The following JCAD variants were observed in gnomAD, a reference collection of about 807,000 sequenced individuals.
The protein encoded by JCAD is junctional cadherin 5 associated.
Under a neutral mutation model 98.0 loss-of-function variants are expected in JCAD, and 40 were observed. The observed-to-expected ratio is 0.41, with a 90% CI of 0.32 to 0.53. The LOEUF (loss-of-function observed/expected upper bound fraction) is 0.53. JCAD is among the 20% of genes least tolerant of loss of function. The probability of loss-of-function intolerance (pLI) is 0.31; values close to 1 mark genes in which losing one functional copy is unlikely to be tolerated. For missense variants in JCAD, 1,705 were observed against 1,738.1 expected (o/e 0.98, Z 0.34); for synonymous variants, 691 against 682.3 (o/e 1.01, Z -0.20).
Position 30,023,652 on chromosome 10 carries a change from C to A in JCAD, c.4045+2451G>T, listed in dbSNP as rs543189529. Among the ~76,000 whole-genome samples the A allele has an allele frequency of 9.2e-5, 14 of 151,902 alleles. No homozygotes were observed. In the East Asian group the frequency reaches 2.7e-3, roughly 29 times the overall value. On this transcript the variant is annotated intron_variant, in intron 3 of 3. Transcript: ENST00000375377. ...TGGCTCTCTGCCTGCAGATTTTTGG[C>A]CATTTTATTGTATATTAGCAAATGC...
rs189163157 is a variant in JCAD, at chr10:30,034,619, T to G, written c.282-4753A>C. Among the ~76,000 whole-genome samples, 140 of 152,058 alleles carry G rather than the reference T, an allele frequency of 9.2e-4. 1 individual carries two copies. The highest frequency in any genetic ancestry group is 3.1e-3 in the African/African-American group (129 of 41,468). ...CCCTCTGCATAGCCCCTTTCCTCCC[T>G]CCCTCCCCACTTTAGCTGAGCCAGG... On this transcript the variant is annotated intron_variant, in intron 2 of 3. Coordinates refer to ENST00000375377, the MANE Select transcript of JCAD (RefSeq NM_020848.4).
At chr10:30,106,098 T>C (rs2132714341) in intron 1 of JCAD, among the ~76,000 whole-genome samples, 1 of 152,228 alleles carries the variant, frequency 6.6e-6, no homozygotes, top group South Asian at 2.1e-4. Flanking sequence ...ACCACGGTTA[T>C]AGATTATGCT....
At chr10:30,073,677 C>CCTTCCTTT (rs1236166862) in intron 1 of JCAD, among the ~76,000 whole-genome samples, 1 of 38,726 alleles carries the variant, frequency 2.6e-5, no homozygotes. Flanking sequence ...TTCCTTCCTT[C>CCTTCCTTT]CTTGCTTCCT....
At position 30,016,710 on chromosome 10, in the gene JCAD, C is replaced by T. The variant is rs1432137345; in HGVS notation, c.*1173G>A. On this transcript the variant is annotated 3_prime_UTR_variant, in exon 4 of 4. Transcript: ENST00000375377. ...CATGGTCTCAGGGTAGATCCCCACACACATACAAAGATAAAACTATGTTTT... is the reference window on the plus strand; with the variant it reads ...CATGGTCTCAGGGTAGATCCCCACATACATACAAAGATAAAACTATGTTTT... 1 of 152,052 alleles carries T rather than the reference C, an allele frequency of 6.6e-6. No homozygotes were observed. The highest frequency in any genetic ancestry group is 2.1e-4 in the South Asian group (1 of 4,824). The allele number at this position is 152,052 out of a possible 1,614,324, so 9.4% of individuals were successfully genotyped here. A position where few individuals can be genotyped will look rare whatever the true frequency, so the allele number is the denominator to read the frequency against.
chr10:30,028,330 A>G lies in JCAD; in HGVS notation c.1818T>C (p.Ser606=). The G allele has an allele frequency of 6.2e-7, 1 of 1,614,170 alleles. No homozygotes were observed. The highest frequency in any genetic ancestry group is 1.1e-5 in the South Asian group (1 of 91,082). ...TATCAGACCCATTCTTTTGATCAGCACTGGGCTTTAAGTCATTGTTGTCCA... is the reference window on the plus strand; with the variant it reads ...TATCAGACCCATTCTTTTGATCAGCGCTGGGCTTTAAGTCATTGTTGTCCA... ...RDMDNNDLKP[S]ADQKNGSDKS... is the part of the protein sequence containing the mutation. Residue 606 remains serine, a synonymous_variant, in exon 3 of 4, where the codon AGT becomes AGC. Coordinates refer to ENST00000375377, the MANE Select transcript of JCAD (RefSeq NM_020848.4).
chr10:30,072,308 T>C (rs764139764), intron 1 of JCAD, among the ~76,000 whole-genome samples: 1 of 152,252 alleles, frequency 6.6e-6, no homozygotes, highest in South Asian at 2.1e-4. Flanking sequence ...TCCTCAGTAA[T>C]GTGTATTTAT....
chr10:30,045,849 C>T (rs918259874), intron 2 of JCAD, among the ~76,000 whole-genome samples: 2 of 152,192 alleles, frequency 1.3e-5, no homozygotes, highest in East Asian at 1.9e-4. Context: ...CAACTTAAAC[C>T]TGCTTTTACT....
At position 30,040,893 on chromosome 10, in the gene JCAD, T is replaced by C. The variant is rs141755512; in HGVS notation, c.281+6639A>G. Among the ~76,000 whole-genome samples, 32 of 152,240 alleles carry C rather than the reference T, an allele frequency of 2.1e-4. No homozygotes were observed. The East Asian group carries it at 4.5e-3, about 21-fold the overall frequency. On this transcript the variant is annotated intron_variant, in intron 2 of 3. Transcript: ENST00000375377. The stretch of plus-strand genomic sequence containing the variant: ...CATTCCTACCCTTGGTGTCTCTCTG[T>C]GGGGCATTTCTTAGCTCTCAGACTC...
chr10:30,104,285 A>G (rs1343324775), intron 1 of JCAD, among the ~76,000 whole-genome samples: 1 of 152,194 alleles, frequency 6.6e-6, no homozygotes. Context: ...TGAGCAGAAG[A>G]GTAACTTTAT....
Position 30,026,932 on chromosome 10 carries a change from G to C in JCAD, c.3216C>G (p.Ser1072Arg), listed in dbSNP as rs1487270038. The C allele has an allele frequency of 6.2e-7, 1 of 1,614,010 alleles. No individual in the cohort carries two copies. The highest frequency in any genetic ancestry group is 8.5e-7 in the Non-Finnish European group (1 of 1,180,034). ...ACTCACCTGGGGGGATTTCTATTGT[G>C]CTTGCTTCACCCAAAGACCCCTCTA... Reference protein sequence around the residue: ...SELEGSLGEASTIEIPPGESL... With the variant: ...SELEGSLGEARTIEIPPGESL... The change falls in exon 3 of 4, where the codon AGC (serine) becomes AGG (arginine). Residue 1072 changes from serine to arginine, a missense_variant. By Grantham distance (110) the Ser-to-Arg change is moderately radical. Around this residue, in one of 3 missense-constraint regions of JCAD, gnomAD observed 1,278 missense variants for 1,243.1 expected, o/e 1.03. Coordinates refer to ENST00000375377, the MANE Select transcript of JCAD (RefSeq NM_020848.4).
intron 2 of JCAD, among the ~76,000 whole-genome samples, chr10:30,064,916 C>T (rs1487378345): frequency 1.3e-5 from 2 of 152,164 alleles, no homozygotes; most frequent in East Asian, 1.9e-4. Context: ...GTGATCCACC[C>T]GCCTTGGCCT....
chr10:30,070,606 AC>A (rs1564462629), intron 1 of JCAD, among the ~76,000 whole-genome samples: 1 of 152,152 alleles, frequency 6.6e-6, no homozygotes, highest in African/African-American at 2.4e-5. Context: ...TTTTGTTGAA[AC>A]CACCAAATAC....
chr10:30,086,786 C>T (rs1484633076), intron 1 of JCAD, among the ~76,000 whole-genome samples: 1 of 152,168 alleles, frequency 6.6e-6, no homozygotes, highest in Non-Finnish European at 1.5e-5. Context: ...TGCTCCTATA[C>T]CTTTTATAAA....
chr10:30,055,605 C>A (rs889655599), intron 1 of JCAD, among the ~76,000 whole-genome samples: 8 of 152,208 alleles, frequency 5.3e-5, no homozygotes, highest in African/African-American at 1.9e-4. Context: ...CCATACCACA[C>A]GTGTGATGAC....
In JCAD at chr10:30,028,735, A is replaced by T; in HGVS notation, c.1413T>A (p.Asp471Glu). ...AGCTCTGTGGATTCCAAATGGCACC[A>T]TCAGGCTGCATTCCTCCATGAGCCG... ...QEPAHGGMQPDGAIWNPQSLI... is the reference protein window; with the variant it reads ...QEPAHGGMQPEGAIWNPQSLI... The change falls in exon 3 of 4, where the codon GAT becomes GAA. Residue 471 changes from aspartate to glutamate, a missense_variant. Coordinates refer to ENST00000375377, the MANE Select transcript of JCAD (RefSeq NM_020848.4). 6.2e-7 allele frequency: 1 copy of T among 1,614,136 alleles called. No homozygotes were observed. The highest frequency in any genetic ancestry group is 8.5e-7 in the Non-Finnish European group (1 of 1,179,982).
chr10:30,032,711 C>T (rs754246567), intron 2 of JCAD, among the ~76,000 whole-genome samples: 1 of 151,752 alleles, frequency 6.6e-6, no homozygotes, highest in Non-Finnish European at 1.5e-5. Context: ...ATCTTCTCAC[C>T]TGTGTGTGTG....
rs1837374839 is a variant in JCAD, at chr10:30,047,655, G to A, written c.158C>T (p.Ala53Val). 1 of 1,614,194 alleles carries A rather than the reference G, an allele frequency of 6.2e-7. No homozygotes were observed. The highest frequency in any genetic ancestry group is 1.3e-5 in the African/African-American group (1 of 75,066). Residue 53 changes from alanine to valine, a missense_variant, in exon 2 of 4, where the codon GCC (alanine) becomes GTC (valine). Around this residue, in one of 3 missense-constraint regions of JCAD, gnomAD observed 152 missense variants for 148.0 expected, o/e 1.03. Coordinates refer to ENST00000375377, the MANE Select transcript of JCAD (RefSeq NM_020848.4). The part of the protein sequence containing the change: ...LQNGHEDGPA[A>V]LAHRKTSAGK... ...CGCGGACGTCTTACGATGTGCGAGGGCCGCAGGGCCATCCTCATGCCCGTT... is the reference window on the plus strand; with the variant it reads ...CGCGGACGTCTTACGATGTGCGAGGACCGCAGGGCCATCCTCATGCCCGTT...
At chr10:30,114,834 GAT>G in intron 1 of JCAD, among the ~76,000 whole-genome samples, 1 of 151,676 alleles carries the variant, frequency 6.6e-6, no homozygotes, top group Non-Finnish European at 1.5e-5. Context: ...CGAATAGATA[GAT>G]AGATAGATAG....
upstream of JCAD, among the ~76,000 whole-genome samples, chr10:30,063,157 A>G (rs1837728028): frequency 6.6e-6 from 1 of 151,308 alleles, no homozygotes; most frequent in Non-Finnish European, 1.5e-5. Context: ...CACAGGAAAA[A>G]AAAAAAAACT....
Sources: allele counts gnomAD v4.1 joint callset (sites outside exome capture counted in the v4.1 genomes callset), GRCh38; gene constraint gnomAD v4.1.1; regional missense constraint gnomAD v4.1.1; transcripts MANE v1.5; gene names NCBI Gene and HGNC (gene_info 2026-07-23, HGNC 2026-07-21).